CNTN6: variants seen among roughly 807,000 people sequenced by gnomAD.
CNTN6 encodes the protein contactin-6.
Under a neutral mutation model 122.8 loss-of-function variants are expected in CNTN6, and 137 were observed. The observed-to-expected ratio is 1.12, with a 90% CI of 0.97 to 1.29. The LOEUF (loss-of-function observed/expected upper bound fraction) is 1.29, where lower values mean the gene tolerates loss of function less well. CNTN6 is among the 50% of genes most tolerant of loss of function. The probability of loss-of-function intolerance (pLI) is 0.00; values close to 1 mark genes in which losing one functional copy is unlikely to be tolerated. For missense variants in CNTN6, 1,634 were observed against 1,223.4 expected (o/e 1.34, Z -5.01); for synonymous variants, 570 against 426.0 (o/e 1.34, Z -4.16).
chr3:1,289,182 T>TA (rs1044225949), intron 5 of CNTN6, among the ~76,000 whole-genome samples: 2 of 151,948 alleles, frequency 1.3e-5, no homozygotes, highest in African/African-American at 2.4e-5. Context: ...TGGAAGGTTT[T>TA]TTTTTTCTTT....
At position 1,392,680 on chromosome 3, in the gene CNTN6, A is replaced by C. The variant is rs1185554573; in HGVS notation, c.2704+6883A>C. Among the ~76,000 whole-genome samples the C allele has an allele frequency of 1.4e-5, 2 of 145,662 alleles. 1 individual carries two copies. Among genetic ancestry groups the C allele is most frequent in the Non-Finnish European group, 3.1e-5 (2 of 65,012 alleles). ...CATCTGACAAAGGGCTAATATCAAG[A>C]ATCTACAATGAACTCAAACAAATTT... On this transcript the variant is annotated intron_variant, in intron 20 of 22. Coordinates refer to ENST00000446702, the MANE Select transcript of CNTN6 (RefSeq NM_001289080.2).
intron 3 of CNTN6, among the ~76,000 whole-genome samples, chr3:1,225,101 C>T (rs908256995): frequency 1.3e-5 from 2 of 152,260 alleles, no homozygotes; most frequent in East Asian, 3.9e-4. Flanking sequence ...GGATGTTTCC[C>T]AACAAAGGGT....
chr3:1,132,704 T>G (rs2092371379), intron 1 of CNTN6, among the ~76,000 whole-genome samples: 1 of 123,250 alleles, frequency 8.1e-6, no homozygotes, highest in East Asian at 2.6e-4. Context: ...GTGAAGATGT[T>G]GTGGATGATA....
intron 1 of CNTN6, among the ~76,000 whole-genome samples, chr3:1,094,545 A>G (rs1161685165): frequency 1.3e-5 from 2 of 152,208 alleles, no homozygotes; most frequent in African/African-American, 4.8e-5. Context: ...TCAATCATTT[A>G]TAAATGACTT....
At chr3:1,305,001 A>AC (rs1553672577) in intron 7 of CNTN6, among the ~76,000 whole-genome samples, 6 of 151,820 alleles carry the variant, frequency 4.0e-5, no homozygotes, top group Non-Finnish European at 8.8e-5. Context: ...AAAAAAAAAA[A>AC]AAACAAAATT....
intron 2 of CNTN6, among the ~76,000 whole-genome samples, chr3:1,155,364 A>G (rs1330851595): frequency 2.6e-5 from 4 of 152,222 alleles, no homozygotes; most frequent in Non-Finnish European, 5.9e-5. Flanking sequence ...TAAGACCCCA[A>G]GACTGCTTAG....
intron 12 of CNTN6, among the ~76,000 whole-genome samples, chr3:1,360,848 G>A (rs546609492): frequency 2.0e-5 from 3 of 151,912 alleles, no homozygotes; most frequent in African/African-American, 7.3e-5. Flanking sequence ...TGTTTCTACT[G>A]TCTTCTTTCT....
chr3:1,265,925 ATATT>A (rs1480454496), intron 4 of CNTN6, among the ~76,000 whole-genome samples: 1 of 152,160 alleles, frequency 6.6e-6, no homozygotes, highest in African/African-American at 2.4e-5. Context: ...TTGAAAAAAC[ATATT>A]TATTACCACT....
At chr3:1,310,688 G>C (rs1699087769) in intron 7 of CNTN6, among the ~76,000 whole-genome samples, 1 of 152,104 alleles carries the variant, frequency 6.6e-6, no homozygotes, top group Non-Finnish European at 1.5e-5. Context: ...TGTACATAAA[G>C]AAGAAATGTA....
At chr3:1,246,925 G>T (rs2094590051) in intron 4 of CNTN6, among the ~76,000 whole-genome samples, 1 of 152,102 alleles carries the variant, frequency 6.6e-6, no homozygotes, top group South Asian at 2.1e-4. Flanking sequence ...AGAGCACAAT[G>T]TTGCTTTTTT....
At chr3:1,281,787 T>C (rs1455980984) in intron 5 of CNTN6, among the ~76,000 whole-genome samples, 1 of 152,236 alleles carries the variant, frequency 6.6e-6, no homozygotes, top group Non-Finnish European at 1.5e-5. Context: ...CTGTTGTCTT[T>C]TTCAACATAA....
intron 12 of CNTN6, among the ~76,000 whole-genome samples, chr3:1,368,022 G>A (rs1708482921): frequency 6.6e-6 from 1 of 152,174 alleles, no homozygotes; most frequent in Non-Finnish European, 1.5e-5. Flanking sequence ...ATAAATTATT[G>A]CAAAAGGAAG....
intron 7 of CNTN6, among the ~76,000 whole-genome samples, chr3:1,320,366 A>G (rs115792018): frequency 6.6e-6 from 1 of 151,654 alleles, no homozygotes. Flanking sequence ...ATTTTTTCCA[A>G]TAAAAATGTC....
At chr3:1,093,141 A>G (rs561587176) in intron 1 of CNTN6, 21 bp downstream of exon 1, 5 of 261,982 alleles carry the variant, frequency 1.9e-5, no homozygotes, top group South Asian at 1.6e-4. Flanking sequence ...TAAGTACAAA[A>G]TTGTGCTGTG....
chr3:1,270,120 TATC>T (rs2094998807), intron 4 of CNTN6, among the ~76,000 whole-genome samples: 1 of 152,184 alleles, frequency 6.6e-6, no homozygotes, highest in African/African-American at 2.4e-5. Context: ...AACATAATAA[TATC>T]ATGAACACCA....
chr3:1,130,181 T>C (rs895610037), intron 1 of CNTN6, among the ~76,000 whole-genome samples: 4 of 152,024 alleles, frequency 2.6e-5, no homozygotes, highest in Non-Finnish European at 5.9e-5. Context: ...ACACAGGACA[T>C]TGACTTTATT....
intron 11 of CNTN6, among the ~76,000 whole-genome samples, chr3:1,332,635 T>G (rs981667440): frequency 2.0e-5 from 3 of 151,834 alleles, no homozygotes; most frequent in African/African-American, 7.3e-5. Flanking sequence ...CGTGGTGTGA[T>G]ATAGTAAAAA....
intron 2 of CNTN6, among the ~76,000 whole-genome samples, chr3:1,163,493 C>T (rs2093179522): frequency 6.6e-6 from 1 of 152,168 alleles, no homozygotes; most frequent in South Asian, 2.1e-4. Flanking sequence ...CTCACTACAG[C>T]CTCGAACCCC....
At chr3:1,401,191 A>G (rs1328312405) in intron 20 of CNTN6, 2 of 407,354 alleles carry the variant, frequency 4.9e-6, no homozygotes, top group Non-Finnish European at 8.8e-6. Flanking sequence ...ATAAATTAAT[A>G]CTGGACATGC....
Sources: gnomAD v4.1 joint callset for allele counts (sites outside exome capture counted in the v4.1 genomes callset) on GRCh38, gnomAD v4.1.1 for gene constraint, MANE v1.5 for transcripts, NCBI Gene and HGNC (gene_info 2026-07-23, HGNC 2026-07-21) for gene names.